Variants in WDR27 observed in about 807,000 individuals in gnomAD.
WDR27 encodes the protein WD repeat-containing protein 27.
Under a neutral mutation model 114.4 loss-of-function variants are expected in WDR27, and 100 were observed. That is an observed-to-expected ratio of 0.87 (90% CI 0.74 to 1.03). WDR27 has a LOEUF of 1.03. WDR27 is among the 50% of genes least tolerant of loss of function. WDR27 has a pLI of 0.00. For missense variants in WDR27, 1,129 were observed against 1,092.9 expected (o/e 1.03, Z -0.47); for synonymous variants, 449 against 423.1 (o/e 1.06, Z -0.75).
intron 25 of WDR27, among the ~76,000 whole-genome samples, chr6:169,465,188 G>A (rs1785393921): frequency 6.6e-6 from 1 of 151,376 alleles, no homozygotes; most frequent in Admixed American, 6.6e-5. Flanking sequence ...AACCTGGGAG[G>A]TGGAGATTGT....
In WDR27 at chr6:169,638,077, G is replaced by T. The variant is rs1394683871; in HGVS notation, c.1869+462C>A. 1.0e-4 allele frequency among the ~76,000 whole-genome samples: 8 copies of T among 79,634 alleles called. 1 individual carries two copies. The highest frequency in any genetic ancestry group is 1.9e-4 in the Non-Finnish European group (8 of 41,064). 52.2% of individuals were successfully genotyped at this position (79,634 alleles called of 152,430 possible). ...CACGCCTGTAATCCCAGCACTTTGG[G>T]AGGCCGAGGCGGGTGGATCATGAGG... is the stretch of plus-strand genomic sequence containing the variant. On this transcript the variant is annotated intron_variant, in intron 18 of 25. Coordinates refer to ENST00000448612, the MANE Select transcript of WDR27 (RefSeq NM_182552.5).
At chr6:169,643,901 G>A in intron 16 of WDR27, 115 bp from the exon 17 acceptor site, 1 of 752,188 alleles carries the variant, frequency 1.3e-6, no homozygotes, top group Non-Finnish European at 2.1e-6. Flanking sequence ...GTTCATACAA[G>A]TCACACTGTA....
At chr6:169,575,996 T>C (rs73790031) in intron 24 of WDR27, among the ~76,000 whole-genome samples, 2,468 of 152,342 alleles carry the variant, frequency 0.016, 62 homozygotes, top group African/African-American at 0.057. Context: ...TGAAGAAGCG[T>C]TGCTATTTCA....
intron 7 of WDR27, 74 bp downstream of exon 7, chr6:169,665,412 G>A: frequency 6.5e-7 from 1 of 1,546,274 alleles, no homozygotes; most frequent in Non-Finnish European, 8.7e-7. Context: ...GTAGCATGAA[G>A]ACAAAGACCT....
In WDR27 at chr6:169,660,651, C is replaced by G. The variant is rs1825809818; in HGVS notation, c.1129+12G>C. On this transcript the variant is annotated intron_variant, in intron 10 of 25. Transcript: ENST00000448612. Reference sequence around the variant, plus strand: ...CATTACAGTTACATGGCGTTGAAATCAAAGATCTTACCCTTGTAATACAAA... The same window carrying G: ...CATTACAGTTACATGGCGTTGAAATGAAAGATCTTACCCTTGTAATACAAA... 1 of 1,607,644 alleles carries G rather than the reference C, an allele frequency of 6.2e-7. No individual in the cohort carries two copies. The highest frequency in any genetic ancestry group is 1.3e-5 in the African/African-American group (1 of 74,802).
At chr6:169,468,529 T>C (rs1279379095) in intron 25 of WDR27, among the ~76,000 whole-genome samples, 2 of 152,234 alleles carry the variant, frequency 1.3e-5, no homozygotes, top group African/African-American at 4.8e-5. Flanking sequence ...GAGAATAGCA[T>C]GGAGGTAACC....
rs118027226 is a variant in WDR27, at chr6:169,572,266, C to T, written c.2645+153G>A. Among the ~76,000 whole-genome samples, 503 of 152,090 alleles carry T rather than the reference C, an allele frequency of 3.3e-3. 6 individuals are homozygous for T. Among genetic ancestry groups the T allele is most frequent in the East Asian group, 0.03 (157 of 5,166 alleles). ...AAAATTAAAAGAATTCTGGGCCGGG[C>T]GTGGTGGCTCACGCCGGTAATCCCA... On this transcript the variant is annotated intron_variant, in intron 25 of 25. Transcript: ENST00000448612.
At chr6:169,579,933 C>T (rs979027258) in intron 24 of WDR27, among the ~76,000 whole-genome samples, 1 of 152,230 alleles carries the variant, frequency 6.6e-6, no homozygotes, top group African/African-American at 2.4e-5. Flanking sequence ...TGCATCAGGT[C>T]TGGACTTGTC....
rs376245452 is a variant in WDR27 at position 169,659,057 on chromosome 6, C to T, written c.1319+29G>A. On this transcript the variant is annotated intron_variant, in intron 12 of 25. Coordinates refer to ENST00000448612, the MANE Select transcript of WDR27 (RefSeq NM_182552.5). This position sits in a 1 kb window ranked among gnomAD's most constrained non-coding sequence, Gnocchi z 4.3. The stretch of plus-strand genomic sequence containing the variant: ...GATGGCACTTATTGGTGAACACACA[C>T]ACACACTCCACACTTGAAGACACTC... 3.3e-6 allele frequency: 5 copies of T among 1,519,114 alleles called. No individual in the cohort carries two copies. The African/African-American group carries it at 4.2e-5, about 13-fold the overall frequency. The allele number at this position is 1,519,114 out of a possible 1,614,324, so 94.1% of individuals were successfully genotyped here. A position where few individuals can be genotyped will look rare whatever the true frequency, so the allele number is the denominator to read the frequency against.
At chr6:169,576,259 C>G (rs531184044) in intron 24 of WDR27, among the ~76,000 whole-genome samples, 4 of 152,204 alleles carry the variant, frequency 2.6e-5, no homozygotes, top group Non-Finnish European at 5.9e-5. Context: ...GTGGGCATGA[C>G]CATGGGGTAT....
chr6:169,499,529 A>G (rs796760686), intron 25 of WDR27, among the ~76,000 whole-genome samples: 2 of 152,374 alleles, frequency 1.3e-5, no homozygotes, highest in Admixed American at 6.5e-5. Context: ...TCGTGATATT[A>G]GAGTGTGAAG....
intron 24 of WDR27, among the ~76,000 whole-genome samples, chr6:169,573,786 C>A (rs1309297957): frequency 6.6e-6 from 1 of 152,198 alleles, no homozygotes; most frequent in Non-Finnish European, 1.5e-5. Flanking sequence ...TCCTGAACTC[C>A]CTGTGTGAAC....
At chr6:169,568,518 G>A (rs1388908112) in intron 25 of WDR27, among the ~76,000 whole-genome samples, 4 of 152,138 alleles carry the variant, frequency 2.6e-5, no homozygotes, top group African/African-American at 9.7e-5. Context: ...GGGACCTGCA[G>A]CTGTGGGAAA....
chr6:169,631,536 C>T (rs565457420), intron 21 of WDR27, among the ~76,000 whole-genome samples: 3 of 152,272 alleles, frequency 2.0e-5, no homozygotes, highest in East Asian at 3.9e-4. Flanking sequence ...AGGTGGAATT[C>T]GCTTCCGCAG....
the WDR27 span, among the ~76,000 whole-genome samples, chr6:169,427,821 A>AC: frequency 2.1e-3 from 326 of 152,058 alleles, 2 homozygotes; most frequent in Admixed American, 6.1e-3. Context: ...AAAAAAAAAA[A>AC]AAAAACCATT....
chr6:169,696,430 AC>A (rs1418651932), intron 1 of WDR27, among the ~76,000 whole-genome samples: 1 of 152,208 alleles, frequency 6.6e-6, no homozygotes, highest in African/African-American at 2.4e-5. Context: ...ACACATGCAC[AC>A]AAAGAATCCC....
intron 25 of WDR27, among the ~76,000 whole-genome samples, chr6:169,552,250 C>G (rs535620732): frequency 6.8e-4 from 103 of 152,308 alleles, no homozygotes; most frequent in African/African-American, 2.3e-3. Flanking sequence ...AGCTGCCCCC[C>G]ACTTCCTTCC....
chr6:169,550,872 C>T (rs987658096), intron 25 of WDR27, among the ~76,000 whole-genome samples: 1 of 152,124 alleles, frequency 6.6e-6, no homozygotes, highest in South Asian at 2.1e-4. Context: ...TGCGCCACCA[C>T]GCCTGGTTAA....
intron 25 of WDR27, among the ~76,000 whole-genome samples, chr6:169,537,395 G>A (rs1796309429): frequency 6.6e-6 from 1 of 152,172 alleles, no homozygotes; most frequent in Admixed American, 6.5e-5. Context: ...ACTCTCTGAA[G>A]GTATGATTTA....
Sources: allele counts gnomAD v4.1 joint callset (sites outside exome capture counted in the v4.1 genomes callset), GRCh38; gene constraint gnomAD v4.1.1; non-coding constraint Gnocchi (gnomAD v3.1); transcripts MANE v1.5; gene names NCBI Gene and HGNC (gene_info 2026-07-23, HGNC 2026-07-21).